The following BRSK2 variants were observed in gnomAD, a reference collection of about 807,000 sequenced individuals.
BRSK2 encodes serine/threonine-protein kinase BRSK2.
In BRSK2, 19 loss-of-function variants were observed where a neutral mutation model predicts 83.3. The observed-to-expected ratio is 0.23, with a 90% confidence interval of 0.16 to 0.33. BRSK2 has a LOEUF of 0.33. Among genes scored for constraint, BRSK2 ranks in the 10% least tolerant of loss-of-function variants. BRSK2 has a pLI of 1.00. For synonymous variants in BRSK2, 519 were observed against 435.4 expected (o/e 1.19, Z -2.39); for missense variants, 798 against 1,042.3 (o/e 0.77, Z 3.23).
chr11:1,408,907 T>C (rs1004352676), intron 1 of BRSK2, among the ~76,000 whole-genome samples: 3 of 149,382 alleles, frequency 2.0e-5, no homozygotes, highest in African/African-American at 7.5e-5. Context: ...GGTTTATGTG[T>C]GTCTGCCTGT....
intron 16 of BRSK2, 34 bp from the exon 17 acceptor site, chr11:1,456,314 G>T: frequency 6.6e-7 from 1 of 1,519,722 alleles, no homozygotes; most frequent in Non-Finnish European, 8.8e-7. Flanking sequence ...GGACCTGCCA[G>T]GCCAGCCACG....
intron 12 of BRSK2, among the ~76,000 whole-genome samples, 189 bp downstream of exon 12, chr11:1,446,096 G>A (rs935930322): frequency 0.025 from 3,634 of 146,204 alleles, 147 homozygotes; most frequent in African/African-American, 0.077. Context: ...GGCTTAGCTG[G>A]GCTGGGCTGG....
chr11:1,456,859 C>G, intron 18 of BRSK2, 172 bp downstream of exon 18: 2 of 1,434,328 alleles, frequency 1.4e-6, no homozygotes, highest in South Asian at 2.4e-5. Context: ...AGCAGAGCCC[C>G]TCCCTGGCCT....
Position 1,459,226 on chromosome 11 carries a change from G to C in BRSK2, c.1974G>C (p.Arg658=). 8 of 1,613,764 alleles carry C rather than the reference G, an allele frequency of 5.0e-6. No individual in the cohort carries two copies. Among genetic ancestry groups the C allele is most frequent in the Non-Finnish European group, 6.8e-6 (8 of 1,179,842 alleles). Residue 658 remains arginine (R), a synonymous_variant, in exon 19 of 20, where the codon CGG becomes CGC. Transcript: ENST00000528841. ...TTNCMEMMTG[R]LSKCGSPLSN... ...ACTGTATGGAAATGATGACGGGGCG[G>C]CTTTCCAAATGTGGTAAGAATCCCC...
At chr11:1,448,666 C>T (rs548234421) in intron 12 of BRSK2, among the ~76,000 whole-genome samples, 45 of 152,350 alleles carry the variant, frequency 3.0e-4, no homozygotes, top group African/African-American at 9.9e-4. Context: ...GGGCTGTCCG[C>T]GCTCCCAGCT....
At chr11:1,447,631 C>T (rs1257064694) in intron 12 of BRSK2, among the ~76,000 whole-genome samples, 1 of 152,170 alleles carries the variant, frequency 6.6e-6, no homozygotes, top group East Asian at 1.9e-4. Context: ...CCAGCAGTCA[C>T]ACGGTGCGGG....
At chr11:1,406,065 G>A (rs957714004) in intron 1 of BRSK2, among the ~76,000 whole-genome samples, 7 of 151,970 alleles carry the variant, frequency 4.6e-5, no homozygotes, top group South Asian at 2.1e-4. Flanking sequence ...TTTGTTGCCC[G>A]CTCCCCTGCC....
intron 1 of BRSK2, among the ~76,000 whole-genome samples, chr11:1,405,608 C>T (rs372966565): frequency 6.5e-4 from 99 of 152,246 alleles, no homozygotes; most frequent in African/African-American, 8.9e-4. Flanking sequence ...CGACCAGCGG[C>T]GCCAGCTACC....
At chr11:1,420,698 C>T (rs1004760240) in intron 1 of BRSK2, among the ~76,000 whole-genome samples, 5 of 152,210 alleles carry the variant, frequency 3.3e-5, no homozygotes, top group African/African-American at 7.2e-5. Context: ...ACTGTCCCCT[C>T]GGGATACACC....
chr11:1,391,178 G>C (rs1403937857), intron 1 of BRSK2, among the ~76,000 whole-genome samples: 1 of 152,256 alleles, frequency 6.6e-6, no homozygotes, highest in African/African-American at 2.4e-5. Context: ...GGCCCGCTGG[G>C]TTTGGCTAGC....
intron 1 of BRSK2, among the ~76,000 whole-genome samples, chr11:1,399,140 A>T (rs1469909919): frequency 1.3e-5 from 2 of 152,106 alleles, no homozygotes; most frequent in African/African-American, 4.8e-5. Context: ...AGCCGTTGTG[A>T]CTGGGGGTCT....
intron 1 of BRSK2, among the ~76,000 whole-genome samples, chr11:1,426,772 T>C (rs1300320280): frequency 6.6e-6 from 1 of 151,762 alleles, no homozygotes; most frequent in Non-Finnish European, 1.5e-5. Context: ...GACCTGGGGG[T>C]GCAGACACAG....
chr11:1,458,904 T>C (rs913333244), intron 18 of BRSK2, among the ~76,000 whole-genome samples: 1 of 152,114 alleles, frequency 6.6e-6, no homozygotes, highest in Non-Finnish European at 1.5e-5. Context: ...GCACCGGCCA[T>C]ATCCAGGCTC....
At chr11:1,433,637 C>G (rs1257910678) in intron 1 of BRSK2, among the ~76,000 whole-genome samples, 8 of 152,368 alleles carry the variant, frequency 5.3e-5, no homozygotes, top group Non-Finnish European at 1.2e-4. Context: ...GGGATGCAGG[C>G]CAGCCTCGTG....
chr11:1,426,258 CGTGCTCCGGGG>C (rs1849206820), intron 1 of BRSK2, among the ~76,000 whole-genome samples: 1 of 149,126 alleles, frequency 6.7e-6, no homozygotes, highest in Non-Finnish European at 1.5e-5. Flanking sequence ...GTGTGTGGGG[CGTGCTCCGGGG>C]ATGTGTGTGG....
At position 1,390,920 on chromosome 11, in the gene BRSK2, G is replaced by C. The variant is rs779834409; in HGVS notation, c.91+545G>C. Among the ~76,000 whole-genome samples, 1 of 152,204 alleles carries C rather than the reference G, an allele frequency of 6.6e-6. No homozygotes were observed. On this transcript the variant is annotated intron_variant, in intron 1 of 19. Transcript: ENST00000528841. This position sits in a 1 kb window ranked among gnomAD's most constrained non-coding sequence, Gnocchi z 6.8. ...TGCAGAGGGCTGGACAGCGCCTTGC[G>C]CTGCTCCGGCTCGGGCTCGGGCGGG...
At chr11:1,433,903 G>A (rs957504530) in intron 1 of BRSK2, among the ~76,000 whole-genome samples, 1 of 152,342 alleles carries the variant, frequency 6.6e-6, no homozygotes, top group East Asian at 1.9e-4. Context: ...GGGGAAGCCC[G>A]CTTCTTCGGC....
chr11:1,454,942 AGG>A lies in BRSK2; in HGVS notation c.1668+338_1668+339del, dbSNP rs934571504. On this transcript the variant is annotated intron_variant, in intron 16 of 19. Coordinates refer to ENST00000528841, the MANE Select transcript of BRSK2 (RefSeq NM_001256627.2). This position sits in a 1 kb window ranked among gnomAD's most constrained non-coding sequence, Gnocchi z 5.2. ...AAGGCTCCAGCTGGGTGGGTCTCAGAGGGGGACATTTCCATCAGACTCGGGGA... is the reference window on the plus strand; with the variant it reads ...AAGGCTCCAGCTGGGTGGGTCTCAGAGGGACATTTCCATCAGACTCGGGGA... Among the ~76,000 whole-genome samples, 416 of 151,860 alleles carry A rather than the reference AGG, an allele frequency of 2.7e-3. 1 individual carries two copies. Among genetic ancestry groups the A allele is most frequent in the African/African-American group, 9.9e-3 (407 of 41,200 alleles).
At chr11:1,404,528 C>T (rs1411466319) in intron 1 of BRSK2, among the ~76,000 whole-genome samples, 2 of 152,192 alleles carry the variant, frequency 1.3e-5, no homozygotes, top group Admixed American at 6.5e-5. Flanking sequence ...GAAAGGTCCT[C>T]GGGGGAGACC....
Sources: gnomAD v4.1 joint callset for allele counts (sites outside exome capture counted in the v4.1 genomes callset) on GRCh38, gnomAD v4.1.1 for gene constraint, Gnocchi (gnomAD v3.1) non-coding constraint, MANE v1.5 for transcripts, NCBI Gene and HGNC (gene_info 2026-07-23, HGNC 2026-07-21) for gene names.